Variants in PPARGC1A observed in about 807,000 individuals in gnomAD.
The protein encoded by PPARGC1A is PPARG coactivator 1 alpha, also known as peroxisome proliferator-activated receptor gamma coactivator 1-alpha.
A neutral mutation model predicts 88.7 loss-of-function variants in PPARGC1A; 25 were observed. The ratio of observed to expected loss-of-function variants is 0.28; its 90% CI spans 0.21 to 0.39. PPARGC1A has a LOEUF of 0.39. Among genes scored for constraint, PPARGC1A ranks in the 10% least tolerant of loss-of-function variants. PPARGC1A has a pLI of 1.00. For synonymous variants in PPARGC1A, 363 were observed against 355.6 expected, an observed-to-expected ratio of 1.02 and a Z score of -0.24; for missense variants, 880 against 968.7, an observed-to-expected ratio of 0.91 and a Z score of 1.22.
chr4:24,052,152 G>C, the PPARGC1A span, among the ~76,000 whole-genome samples: 1 of 152,164 alleles, frequency 6.6e-6, no homozygotes, highest in African/African-American at 2.4e-5. Context: ...TGCTATTATT[G>C]AAAATCATAT....
the PPARGC1A span, among the ~76,000 whole-genome samples, chr4:24,195,718 C>T: frequency 6.6e-6 from 1 of 152,030 alleles, no homozygotes; most frequent in African/African-American, 2.4e-5. Flanking sequence ...TCCATATTTC[C>T]CTCCTCATAT....
At chr4:24,096,762 T>C in the PPARGC1A span, among the ~76,000 whole-genome samples, 1 of 152,176 alleles carries the variant, frequency 6.6e-6, no homozygotes, top group Non-Finnish European at 1.5e-5. Context: ...CCTTACCCAC[T>C]GTTTTTCCCT....
the PPARGC1A span, among the ~76,000 whole-genome samples, chr4:24,162,186 T>C: frequency 6.6e-6 from 1 of 152,044 alleles, no homozygotes; most frequent in Non-Finnish European, 1.5e-5. Flanking sequence ...GGCCTAAGAA[T>C]GATACAATGG....
chr4:23,827,790 TAGCATGTGGTTGTAGAA>T (rs1389566402), intron 5 of PPARGC1A, among the ~76,000 whole-genome samples: 2 of 151,582 alleles, frequency 1.3e-5, no homozygotes, highest in African/African-American at 4.9e-5. Context: ...TCTGTGAGCA[TAGCATGTGGTTGTAGAA>T]AAGGAGGAGA....
At chr4:24,387,822 A>AAGAAAG in the PPARGC1A span, among the ~76,000 whole-genome samples, 1 of 68,156 alleles carries the variant, frequency 1.5e-5, no homozygotes, top group African/African-American at 4.0e-5. Flanking sequence ...GAAAGAAAGA[A>AAGAAAG]AGAGAGAAAG....
the PPARGC1A span, among the ~76,000 whole-genome samples, chr4:23,977,445 T>C: frequency 6.6e-6 from 1 of 152,242 alleles, no homozygotes; most frequent in South Asian, 2.1e-4. Flanking sequence ...AACATCTCAC[T>C]GTGATAAACA....
intron 3 of PPARGC1A, among the ~76,000 whole-genome samples, chr4:23,830,892 G>T (rs1724873762): frequency 6.6e-6 from 1 of 152,144 alleles, no homozygotes; most frequent in African/African-American, 2.4e-5. Flanking sequence ...TAACTTGGGT[G>T]GCAAACGTGC....
At chr4:23,821,485 G>T (rs1723004187) in intron 7 of PPARGC1A, among the ~76,000 whole-genome samples, 1 of 151,814 alleles carries the variant, frequency 6.6e-6, no homozygotes, top group Admixed American at 6.6e-5. Context: ...AGGGGGTGGG[G>T]GAGGCACAGA....
At chr4:23,915,685 C>T in the PPARGC1A span, among the ~76,000 whole-genome samples, 11 of 152,120 alleles carry the variant, frequency 7.2e-5, no homozygotes, top group Non-Finnish European at 1.6e-4. Flanking sequence ...TATAGATAGT[C>T]ACACAGAGAG....
At chr4:23,803,543 T>G (rs1340483135) in intron 10 of PPARGC1A, among the ~76,000 whole-genome samples, 2 of 152,070 alleles carry the variant, frequency 1.3e-5, no homozygotes, top group African/African-American at 2.4e-5. Context: ...GGATAAATTC[T>G]TTTTTTACAG....
chr4:23,897,947 G>A (rs928103197), intron 1 of PPARGC1A, among the ~76,000 whole-genome samples: 3 of 152,188 alleles, frequency 2.0e-5, no homozygotes, highest in East Asian at 3.9e-4. Context: ...CACAACTGAT[G>A]TGGTAGTCAT....
the PPARGC1A span, among the ~76,000 whole-genome samples, chr4:24,063,681 G>A: frequency 3.8e-3 from 578 of 152,282 alleles, 8 homozygotes; most frequent in East Asian, 0.02. Flanking sequence ...ATGAGAAAGA[G>A]GAGAGAAGGG....
the PPARGC1A span, among the ~76,000 whole-genome samples, chr4:23,943,087 C>T: frequency 9.5e-4 from 145 of 152,230 alleles, no homozygotes; most frequent in African/African-American, 3.2e-3. Flanking sequence ...GGACTATTTA[C>T]GTACTCAGTT....
chr4:24,008,707 A>T, the PPARGC1A span, among the ~76,000 whole-genome samples: 3,477 of 30,636 alleles, frequency 0.11, 138 homozygotes, highest in African/African-American at 0.34. Flanking sequence ...TTTGATATAA[A>T]AAAAAAAAAC....
the PPARGC1A span, among the ~76,000 whole-genome samples, chr4:24,023,763 G>A: frequency 6.6e-6 from 1 of 152,128 alleles, no homozygotes; most frequent in Admixed American, 6.6e-5. Context: ...GGATCACACA[G>A]GGATTCTGTC....
the PPARGC1A span, among the ~76,000 whole-genome samples, chr4:24,203,563 G>C: frequency 4.2e-5 from 3 of 71,782 alleles, no homozygotes; most frequent in Admixed American, 1.8e-4. Context: ...AAAGACAGAT[G>C]AGAGATAGAA....
chr4:23,915,163 TTTTC>T, the PPARGC1A span, among the ~76,000 whole-genome samples: 1 of 152,202 alleles, frequency 6.6e-6, no homozygotes, highest in African/African-American at 2.4e-5. Context: ...TTAAAATTTA[TTTTC>T]TTTTTTTTTA....
chr4:24,422,388 A>G, the PPARGC1A span, among the ~76,000 whole-genome samples: 1 of 152,240 alleles, frequency 6.6e-6, no homozygotes, highest in Non-Finnish European at 1.5e-5. Context: ...CAGAGCAGAT[A>G]TATGGCACAA....
chr4:23,796,081 A>C (rs866851986), intron 12 of PPARGC1A, among the ~76,000 whole-genome samples, 156 bp from the exon 13 acceptor site: 1 of 152,178 alleles, frequency 6.6e-6, no homozygotes, highest in African/African-American at 2.4e-5. Flanking sequence ...ATGGATATAT[A>C]GGAAGAGGAT....
Sources: gnomAD v4.1 joint callset for allele counts (sites outside exome capture counted in the v4.1 genomes callset) on GRCh38, gnomAD v4.1.1 for gene constraint, MANE v1.5 for transcripts, NCBI Gene and HGNC (gene_info 2026-07-23, HGNC 2026-07-21) for gene names.